DLG2: variants seen among roughly 807,000 people sequenced by gnomAD.
DLG2 encodes the protein disks large homolog 2.
In DLG2, 45 loss-of-function variants were observed where a neutral mutation model predicts 132.5. The observed-to-expected ratio is 0.34, with a 90% CI of 0.27 to 0.44. The LOEUF (loss-of-function observed/expected upper bound fraction) is 0.44, where lower values mean the gene tolerates loss of function less well. Ranked by LOEUF, DLG2 falls within the 20% of genes least tolerant of loss-of-function variation. The pLI, the probability that DLG2 is intolerant of heterozygous loss-of-function variation, is 1.00. For synonymous variants in DLG2, 424 were observed against 419.6 expected (o/e 1.01, Z -0.13); for missense variants, 1,045 against 1,196.9 (o/e 0.87, Z 1.87).
intron 6 of DLG2, among the ~76,000 whole-genome samples, chr11:84,784,370 T>C (rs545748014): frequency 1.5e-5 from 2 of 134,790 alleles, no homozygotes; most frequent in Non-Finnish European, 3.2e-5. Context: ...ATAAATAAAT[T>C]AAACAAGAGT....
intron 17 of DLG2, among the ~76,000 whole-genome samples, chr11:83,827,999 T>C (rs2053379650): frequency 6.6e-6 from 1 of 152,152 alleles, no homozygotes. Context: ...AAGGTGACAA[T>C]TTCTTTGTCT....
intron 4 of DLG2, among the ~76,000 whole-genome samples, chr11:85,250,608 G>A (rs1188285619): frequency 2.0e-5 from 3 of 152,082 alleles, no homozygotes; most frequent in Non-Finnish European, 1.5e-5. Flanking sequence ...TGTAGCTTCT[G>A]CTACATTCAC....
chr11:85,507,893 C>G (rs1173234300), intron 3 of DLG2, among the ~76,000 whole-genome samples: 1 of 152,116 alleles, frequency 6.6e-6, no homozygotes, highest in Non-Finnish European at 1.5e-5. Flanking sequence ...TTATTGGAGG[C>G]TTTGTTCATT....
intron 6 of DLG2, among the ~76,000 whole-genome samples, chr11:84,624,621 A>G (rs1168213252): frequency 1.3e-5 from 2 of 151,738 alleles, no homozygotes; most frequent in East Asian, 1.9e-4. Flanking sequence ...CTTCACTATC[A>G]TTCCCATTTA....
At chr11:83,991,508 G>T (rs995456802) in intron 11 of DLG2, among the ~76,000 whole-genome samples, 3 of 152,004 alleles carry the variant, frequency 2.0e-5, no homozygotes, top group Non-Finnish European at 4.4e-5. Flanking sequence ...TCCCCTGCAC[G>T]TTAGGGCTTT....
chr11:85,165,504 GTCTCC>G (rs1353677028), intron 4 of DLG2, among the ~76,000 whole-genome samples: 1 of 152,172 alleles, frequency 6.6e-6, no homozygotes, highest in Non-Finnish European at 1.5e-5. Context: ...TGATAAGAAT[GTCTCC>G]TCTGTTTTAA....
intron 6 of DLG2, among the ~76,000 whole-genome samples, chr11:84,900,540 TA>T (rs1291732333): frequency 6.6e-6 from 1 of 152,062 alleles, no homozygotes; most frequent in East Asian, 1.9e-4. Flanking sequence ...AAATCTCTAT[TA>T]GTCAACTATT....
At chr11:83,672,209 G>C (rs1349947860) in intron 18 of DLG2, among the ~76,000 whole-genome samples, 1 of 151,076 alleles carries the variant, frequency 6.6e-6, no homozygotes, top group Non-Finnish European at 1.5e-5. Flanking sequence ...TCTTTTTGAT[G>C]GAATTTCGCT....
chr11:84,888,186 T>G (rs2088664128), intron 6 of DLG2, among the ~76,000 whole-genome samples: 1 of 152,134 alleles, frequency 6.6e-6, no homozygotes, highest in Admixed American at 6.6e-5. Context: ...GATAAAACAT[T>G]GTTTCTGAAT....
chr11:85,478,612 C>G (rs1473768008), intron 3 of DLG2, among the ~76,000 whole-genome samples: 1 of 152,164 alleles, frequency 6.6e-6, no homozygotes, highest in African/African-American at 2.4e-5. Context: ...TTTCACTACT[C>G]TGAGGCTGAG....
At chr11:83,657,486 G>A (rs2072868478) in intron 18 of DLG2, among the ~76,000 whole-genome samples, 1 of 147,400 alleles carries the variant, frequency 6.8e-6, no homozygotes, top group Admixed American at 6.7e-5. Flanking sequence ...CTTTGTCTTG[G>A]TTATACTGTT....
chr11:84,719,694 A>C (rs1279095243), intron 6 of DLG2, among the ~76,000 whole-genome samples: 1 of 152,216 alleles, frequency 6.6e-6, no homozygotes, highest in Admixed American at 6.5e-5. Context: ...ACAGTTATTT[A>C]CTACAAACTT....
intron 18 of DLG2, among the ~76,000 whole-genome samples, chr11:83,746,399 C>A (rs559333130): frequency 7.9e-5 from 12 of 152,180 alleles, no homozygotes; most frequent in East Asian, 1.9e-4. Context: ...ATGCAGCCAT[C>A]AAAAATGATG....
chr11:84,468,032 T>C (rs1258382865), intron 7 of DLG2, among the ~76,000 whole-genome samples: 1 of 151,386 alleles, frequency 6.6e-6, no homozygotes, highest in Non-Finnish European at 1.5e-5. Flanking sequence ...GCTGGAAAAA[T>C]ACAAATTAAA....
chr11:85,615,259 G>A (rs551340281), intron 2 of DLG2, among the ~76,000 whole-genome samples: 22 of 152,316 alleles, frequency 1.4e-4, no homozygotes, highest in African/African-American at 5.1e-4. Flanking sequence ...GCTCATGCTT[G>A]TAATCCCAGC....
At chr11:84,762,624 C>T (rs568484795) in intron 6 of DLG2, among the ~76,000 whole-genome samples, 2 of 152,294 alleles carry the variant, frequency 1.3e-5, no homozygotes, top group East Asian at 3.9e-4. Context: ...TACTTCTTTT[C>T]CACTACCCTG....
At chr11:83,855,275 A>G (rs2060351629) in intron 16 of DLG2, among the ~76,000 whole-genome samples, 1 of 152,204 alleles carries the variant, frequency 6.6e-6, no homozygotes, top group Non-Finnish European at 1.5e-5. Flanking sequence ...TACAAAACTA[A>G]ACATACTCTT....
chr11:84,305,059 A>G (rs1475437817), intron 7 of DLG2, among the ~76,000 whole-genome samples: 1 of 152,244 alleles, frequency 6.6e-6, no homozygotes, highest in African/African-American at 2.4e-5. Context: ...AAAAAAAAGT[A>G]GTTTATATTA....
chr11:84,975,090 A>C (rs749058573), intron 6 of DLG2, among the ~76,000 whole-genome samples: 2 of 152,022 alleles, frequency 1.3e-5, no homozygotes, highest in Non-Finnish European at 2.9e-5. Flanking sequence ...ACTTTACTTG[A>C]TGTTAACAGT....
Sources: allele counts gnomAD v4.1 joint callset (sites outside exome capture counted in the v4.1 genomes callset), GRCh38; gene constraint gnomAD v4.1.1; transcripts MANE v1.5; gene names NCBI Gene and HGNC (gene_info 2026-07-23, HGNC 2026-07-21).